ZNF440: variants seen among roughly 807,000 people sequenced by gnomAD.
ZNF440 encodes the protein zinc finger protein 440.
Under a neutral mutation model 49.7 loss-of-function variants are expected in ZNF440, and 47 were observed. The ratio of observed to expected loss-of-function variants is 0.95; its 90% CI spans 0.75 to 1.21. The LOEUF (loss-of-function observed/expected upper bound fraction) is 1.21, where lower values mean the gene tolerates loss of function less well. ZNF440 is among the 50% of genes most tolerant of loss of function. The probability of loss-of-function intolerance (pLI) is 0.00; values close to 1 mark genes in which losing one functional copy is unlikely to be tolerated. For missense variants in ZNF440, 703 were observed against 715.0 expected (o/e 0.98, Z 0.19); for synonymous variants, 255 against 237.7 (o/e 1.07, Z -0.67).
At chr19:11,824,826 G>A (rs1468283630) in intron 1 of ZNF440, among the ~76,000 whole-genome samples, 1 of 150,638 alleles carries the variant, frequency 6.6e-6, no homozygotes, top group Admixed American at 6.7e-5. Flanking sequence ...TTCTGCCTCA[G>A]CCTCCCGAGT....
In ZNF440 at chr19:11,832,667, A is replaced by C; in HGVS notation, c.1491A>C (p.Val497=). 6.2e-7 allele frequency: 1 copy of C among 1,613,184 alleles called. No homozygotes were observed. Among genetic ancestry groups the C allele is most frequent in the Non-Finnish European group, 8.5e-7 (1 of 1,179,724 alleles). ...ECKQRSVVPS[V]VPVPFDIMKG... ...AGCAACGTTCAGTAGTTCCTTCAGTAGTTCCAGTTCCTTTTGATATCATGA... is the reference window on the plus strand; with the variant it reads ...AGCAACGTTCAGTAGTTCCTTCAGTCGTTCCAGTTCCTTTTGATATCATGA... Residue 497 remains valine (V), a synonymous_variant, in exon 4 of 4, where the codon GTA becomes GTC. Coordinates refer to ENST00000304060, the MANE Select transcript of ZNF440 (RefSeq NM_152357.3).
chr19:11,819,528 A>G (rs891028959), intron 1 of ZNF440, among the ~76,000 whole-genome samples: 47 of 152,122 alleles, frequency 3.1e-4, no homozygotes, highest in Admixed American at 2.8e-3. Context: ...CCTCCCAAGT[A>G]TCTGGGATTA....
intron 1 of ZNF440, among the ~76,000 whole-genome samples, chr19:11,821,156 C>T (rs1975795455): frequency 6.6e-6 from 1 of 152,214 alleles, no homozygotes; most frequent in Non-Finnish European, 1.5e-5. Flanking sequence ...TCAGCGCACT[C>T]TCCTATGTTT....
intron 1 of ZNF440, among the ~76,000 whole-genome samples, chr19:11,827,865 C>G (rs1975885777): frequency 6.6e-6 from 1 of 152,072 alleles, no homozygotes; most frequent in Non-Finnish European, 1.5e-5. Context: ...ATCTGTCCGC[C>G]TTGGCCTCCA....
rs1975980785 is a variant in ZNF440, at chr19:11,833,545, TGAAA to T, written c.*585_*588del. ...CTTCTTCCAGTTCTTTTCAATATCA[TGAAA>T]GAACACACTAGGGAGAAACCCTATC... On this transcript the variant is annotated 3_prime_UTR_variant, in exon 4 of 4. Coordinates refer to ENST00000304060, the MANE Select transcript of ZNF440 (RefSeq NM_152357.3). 7.5e-6 allele frequency: 2 copies of T among 266,042 alleles called. No homozygotes were observed. The highest frequency in any genetic ancestry group is 7.8e-5 in the South Asian group (2 of 25,546). 16.5% of individuals were successfully genotyped at this position (266,042 alleles called of 1,614,324 possible). A position where few individuals can be genotyped will look rare whatever the true frequency, so the allele number is the denominator to read the frequency against.
At chr19:11,815,153 T>C (rs1021645919) in intron 1 of ZNF440, among the ~76,000 whole-genome samples, 2 of 151,830 alleles carry the variant, frequency 1.3e-5, no homozygotes, top group African/African-American at 2.4e-5. Context: ...GGCGGGCGCC[T>C]GTAGTTCCAG....
chr19:11,825,108 G>C (rs1141199), intron 1 of ZNF440, among the ~76,000 whole-genome samples: 1 of 151,670 alleles, frequency 6.6e-6, no homozygotes, highest in South Asian at 2.1e-4. Flanking sequence ...GCTTGGACTC[G>C]GGAGTTGGAG....
At chr19:11,827,615 G>A (rs1016169664) in intron 1 of ZNF440, 1 of 152,164 alleles carries the variant, frequency 6.6e-6, no homozygotes, top group African/African-American at 2.4e-5. Context: ...AATCAAGGTC[G>A]TCTTGGTTTT....
chr19:11,830,879 T>C (rs1387948880), intron 3 of ZNF440, among the ~76,000 whole-genome samples: 1 of 152,132 alleles, frequency 6.6e-6, no homozygotes, highest in African/African-American at 2.4e-5. Context: ...GAAGTGGAGA[T>C]AGGAGGATAG....
At chr19:11,830,094 G>C (rs1358748520) in intron 1 of ZNF440, 189 bp from the exon 2 acceptor site, 1 of 1,212,902 alleles carries the variant, frequency 8.2e-7, no homozygotes, top group Non-Finnish European at 1.1e-6. Flanking sequence ...TGGGCAACAA[G>C]AGTGAAAAAA....
At chr19:11,821,610 G>A (rs1975800870) in intron 1 of ZNF440, among the ~76,000 whole-genome samples, 2 of 152,164 alleles carry the variant, frequency 1.3e-5, no homozygotes. Flanking sequence ...CAGTGTTGGT[G>A]GAAAGTAGTC....
chr19:11,814,283 C>T lies in ZNF440; in HGVS notation c.-165C>T. 1.6e-6 allele frequency: 1 copy of T among 643,500 alleles called. No homozygotes were observed. Among genetic ancestry groups the T allele is most frequent in the African/African-American group, 1.9e-5 (1 of 52,352 alleles). 39.9% of individuals were successfully genotyped at this position (643,500 alleles called of 1,614,324 possible). On this transcript the variant is annotated 5_prime_UTR_variant, in exon 1 of 4. Coordinates refer to ENST00000304060, the MANE Select transcript of ZNF440 (RefSeq NM_152357.3). ...GGGGAAGGGACAGTCGCCCTCCGTC[C>T]ATTCCTTTAGTGCTGCGCCGACAGC...
intron 1 of ZNF440, among the ~76,000 whole-genome samples, chr19:11,827,041 C>G (rs543355386): frequency 2.0e-5 from 3 of 148,996 alleles, no homozygotes; most frequent in Non-Finnish European, 4.4e-5. Context: ...CATTCTTTAG[C>G]GGGAGGTATA....
chr19:11,829,198 G>C (rs1975903521), intron 1 of ZNF440, among the ~76,000 whole-genome samples: 1 of 151,838 alleles, frequency 6.6e-6, no homozygotes, highest in South Asian at 2.1e-4. Flanking sequence ...ACGGTGCCAG[G>C]TTTTGCTTAG....
intron 1 of ZNF440, among the ~76,000 whole-genome samples, chr19:11,828,086 T>C (rs1975888342): frequency 6.6e-6 from 1 of 152,220 alleles, no homozygotes; most frequent in Non-Finnish European, 1.5e-5. Context: ...AGCAGTAGGA[T>C]ATAAATAACT....
At chr19:11,824,814 C>A (rs1479462439) in intron 1 of ZNF440, among the ~76,000 whole-genome samples, 1 of 149,700 alleles carries the variant, frequency 6.7e-6, no homozygotes, top group Non-Finnish European at 1.5e-5. Context: ...TTCTAGCAAT[C>A]CTTCTGCCTC....
intron 1 of ZNF440, among the ~76,000 whole-genome samples, chr19:11,822,246 G>A (rs915008365): frequency 5.9e-5 from 9 of 152,174 alleles, no homozygotes; most frequent in African/African-American, 2.2e-4. Context: ...ATATATGTGA[G>A]TTGACCACAT....
chr19:11,833,591 A>T lies in ZNF440; in HGVS notation c.*627A>T, dbSNP rs1004691096. 1.3e-5 allele frequency: 4 copies of T among 302,768 alleles called. No individual in the cohort carries two copies. The highest frequency in any genetic ancestry group is 2.6e-5 in the Non-Finnish European group (4 of 152,878). 18.8% of individuals were successfully genotyped at this position (302,768 alleles called of 1,614,324 possible). On this transcript the variant is annotated 3_prime_UTR_variant, in exon 4 of 4. Transcript: ENST00000304060. The stretch of plus-strand genomic sequence containing the variant: ...AACCCTATCAATGTAAGCAATGTGC[A>T]AAAGCCTTTATTTCTTCCACTTCTT...
chr19:11,832,803 A>G lies in ZNF440; in HGVS notation c.1627A>G (p.Met543Val). The stretch of plus-strand genomic sequence containing the variant: ...AGGACTCACCCTGAAGAGAAACCCT[A>G]TGAGTGTGAGCAATGACGGAAAGCC... ...MVGLTLKRNP[M>V]SVSNDGKPSD... Residue 543 changes from methionine (M) to valine (V), a missense_variant, in exon 4 of 4, where the codon ATG becomes GTG. By Grantham distance (21) the Met-to-Val change is conservative. Coordinates refer to ENST00000304060, the MANE Select transcript of ZNF440 (RefSeq NM_152357.3). 6.2e-7 allele frequency: 1 copy of G among 1,613,938 alleles called. No individual in the cohort carries two copies. The highest frequency in any genetic ancestry group is 8.5e-7 in the Non-Finnish European group (1 of 1,179,974).
Sources: gnomAD v4.1 joint callset for allele counts (sites outside exome capture counted in the v4.1 genomes callset) on GRCh38, gnomAD v4.1.1 for gene constraint, MANE v1.5 for transcripts, NCBI Gene and HGNC (gene_info 2026-07-23, HGNC 2026-07-21) for gene names.